EPHA6: variants seen among roughly 807,000 people sequenced by gnomAD.
EPHA6 encodes the protein ephrin type-A receptor 6.
Under a neutral mutation model 112.0 loss-of-function variants are expected in EPHA6, and 50 were observed. That is an observed-to-expected ratio of 0.45 (90% CI 0.36 to 0.56). The LOEUF (loss-of-function observed/expected upper bound fraction) is 0.56, where lower values mean the gene tolerates loss of function less well. Ranked by LOEUF, EPHA6 falls within the 20% of genes least tolerant of loss-of-function variation. The pLI, the probability that EPHA6 is intolerant of heterozygous loss-of-function variation, is 0.00. For synonymous variants in EPHA6, 529 were observed against 490.7 expected, an observed-to-expected ratio of 1.08 and a Z score of -1.03; for missense variants, 1,280 against 1,417.4, an observed-to-expected ratio of 0.90 and a Z score of 1.56.
chr3:96,955,040 A>G (rs2041705025), intron 2 of EPHA6, among the ~76,000 whole-genome samples: 2 of 152,054 alleles, frequency 1.3e-5, no homozygotes, highest in South Asian at 2.1e-4. Flanking sequence ...CATCTGTAAT[A>G]TATTTCAAAG....
intron 13 of EPHA6, chr3:97,612,368 T>C (rs1399314233): frequency 2.5e-6 from 1 of 402,710 alleles, no homozygotes; most frequent in Non-Finnish European, 4.9e-6. Context: ...TCTTTTTATT[T>C]TTGTATCAGC....
intron 5 of EPHA6, among the ~76,000 whole-genome samples, chr3:97,283,656 T>G (rs189773692): frequency 6.9e-4 from 105 of 152,142 alleles, no homozygotes; most frequent in African/African-American, 2.4e-3. Flanking sequence ...ATGTAATGCA[T>G]TAGGGGCTTA....
At chr3:97,640,404 A>G (rs2093990867) in intron 14 of EPHA6, among the ~76,000 whole-genome samples, 1 of 152,228 alleles carries the variant, frequency 6.6e-6, no homozygotes, top group Non-Finnish European at 1.5e-5. Context: ...AGGTTTTTGT[A>G]TAGCAACTAG....
At chr3:97,454,694 T>C (rs1426136329) in intron 7 of EPHA6, among the ~76,000 whole-genome samples, 1 of 151,906 alleles carries the variant, frequency 6.6e-6, no homozygotes, top group Non-Finnish European at 1.5e-5. Flanking sequence ...CACATTTTCT[T>C]CCCTAAACTC....
chr3:97,001,675 A>G lies in EPHA6; in HGVS notation c.1114+13682A>G, dbSNP rs546848039. Reference sequence around the variant, plus strand: ...TAAATAAATCAATATTATTACTGGAAATGGTAGTCTCAGTTTTACAGGGAA... The same window carrying G: ...TAAATAAATCAATATTATTACTGGAGATGGTAGTCTCAGTTTTACAGGGAA... On this transcript the variant is annotated intron_variant, in intron 3 of 17. Transcript: ENST00000389672. Among the ~76,000 whole-genome samples, 3 of 152,116 alleles carry G rather than the reference A, an allele frequency of 2.0e-5. No homozygotes were observed. In the South Asian group the frequency reaches 6.2e-4, roughly 32 times the overall value.
intron 2 of EPHA6, among the ~76,000 whole-genome samples, chr3:96,970,270 C>A (rs1195321446): frequency 1.4e-5 from 2 of 141,560 alleles, no homozygotes; most frequent in Admixed American, 7.7e-5. Context: ...CACACACAAA[C>A]ACACACACAC....
chr3:97,077,883 A>G (rs1331992974), intron 3 of EPHA6, among the ~76,000 whole-genome samples: 1 of 152,164 alleles, frequency 6.6e-6, no homozygotes, highest in Non-Finnish European at 1.5e-5. Context: ...TAGCAGCATG[A>G]TTTATAATCC....
chr3:96,959,339 A>G (rs781116564), intron 2 of EPHA6, among the ~76,000 whole-genome samples: 2 of 152,180 alleles, frequency 1.3e-5, no homozygotes, highest in Non-Finnish European at 2.9e-5. Context: ...TTATTTGCCC[A>G]TGTTAAAATT....
chr3:97,078,114 T>C (rs1471827765), intron 3 of EPHA6, among the ~76,000 whole-genome samples: 1 of 152,200 alleles, frequency 6.6e-6, no homozygotes, highest in Non-Finnish European at 1.5e-5. Flanking sequence ...TATCTCATTG[T>C]GGTTTTGATT....
At chr3:97,599,698 T>C (rs1381638073) in intron 12 of EPHA6, among the ~76,000 whole-genome samples, 5 of 152,108 alleles carry the variant, frequency 3.3e-5, no homozygotes, top group African/African-American at 1.2e-4. Flanking sequence ...AGTCAGATAG[T>C]GTGATGCCTC....
intron 2 of EPHA6, among the ~76,000 whole-genome samples, chr3:96,908,177 C>T (rs918899334): frequency 2.0e-5 from 3 of 151,992 alleles, no homozygotes; most frequent in Non-Finnish European, 2.9e-5. Context: ...TATACCTGCA[C>T]AGGGAAGCTC....
intron 3 of EPHA6, among the ~76,000 whole-genome samples, chr3:97,182,805 G>A (rs1242676307): frequency 6.6e-6 from 1 of 151,960 alleles, no homozygotes; most frequent in African/African-American, 2.4e-5. Flanking sequence ...AGTTCAGTAT[G>A]TTTTAAATAA....
chr3:97,408,001 G>A (rs568269837), intron 6 of EPHA6, among the ~76,000 whole-genome samples: 1 of 152,180 alleles, frequency 6.6e-6, no homozygotes, highest in East Asian at 1.9e-4. Flanking sequence ...GGAAGATCAA[G>A]GTGCCAATAG....
In EPHA6 at chr3:96,984,698, T is replaced by C. The variant is rs948136339; in HGVS notation, c.451-2632T>C. On this transcript the variant is annotated intron_variant, in intron 2 of 17. Transcript: ENST00000389672. ...GGCCTCCTTGAGCTGGGGTGTGCTC[T>C]ACCCAGTTCCAGCTTCCCCACTGCT... is the stretch of plus-strand genomic sequence containing the variant. 4.6e-5 allele frequency among the ~76,000 whole-genome samples: 7 copies of C among 152,336 alleles called. No individual in the cohort carries two copies. The East Asian group carries it at 1.4e-3, about 30-fold the overall frequency.
At chr3:97,603,277 A>G (rs913532289) in intron 12 of EPHA6, among the ~76,000 whole-genome samples, 3 of 151,972 alleles carry the variant, frequency 2.0e-5, no homozygotes, top group Non-Finnish European at 2.9e-5. Flanking sequence ...ACTGAGGTCA[A>G]CTGATGCAGA....
chr3:97,421,912 T>C (rs1331243951), intron 6 of EPHA6, among the ~76,000 whole-genome samples: 10 of 150,534 alleles, frequency 6.6e-5, no homozygotes, highest in Non-Finnish European at 1.3e-4. Flanking sequence ...TGTATATTGG[T>C]AGAAAAAAAA....
chr3:97,214,056 G>GA (rs2077963217), intron 3 of EPHA6, among the ~76,000 whole-genome samples: 1 of 122,986 alleles, frequency 8.1e-6, no homozygotes, highest in African/African-American at 4.5e-5. Flanking sequence ...AGAGAGAGAG[G>GA]GAGAGGGAGT....
At chr3:97,367,571 TA>T (rs371922702) in intron 5 of EPHA6, among the ~76,000 whole-genome samples, 3 of 151,704 alleles carry the variant, frequency 2.0e-5, no homozygotes, top group South Asian at 2.1e-4. Context: ...TGTTTTTATT[TA>T]TTTTTTTTTT....
At chr3:97,465,818 G>A (rs2091032070) in intron 7 of EPHA6, among the ~76,000 whole-genome samples, 1 of 151,992 alleles carries the variant, frequency 6.6e-6, no homozygotes, top group South Asian at 2.1e-4. Context: ...CATAAACTGT[G>A]AAAATTCACT....
Sources: gnomAD v4.1 joint callset for allele counts (sites outside exome capture counted in the v4.1 genomes callset) on GRCh38, gnomAD v4.1.1 for gene constraint, MANE v1.5 for transcripts, NCBI Gene and HGNC (gene_info 2026-07-23, HGNC 2026-07-21) for gene names.